ZNF777: variants seen among roughly 807,000 people sequenced by gnomAD.
ZNF777 encodes the protein zinc finger protein 777.
Under a neutral mutation model 72.1 loss-of-function variants are expected in ZNF777, and 7 were observed. The ratio of observed to expected loss-of-function variants is 0.10; its 90% confidence interval spans 0.06 to 0.18. ZNF777 has a LOEUF of 0.18. ZNF777 is among the 10% of genes least tolerant of loss of function. The probability of loss-of-function intolerance (pLI) is 1.00; values close to 1 mark genes in which losing one functional copy is unlikely to be tolerated. For missense variants in ZNF777, 828 were observed against 1,128.6 expected (o/e 0.73, Z 3.82); for synonymous variants, 545 against 483.5 (o/e 1.13, Z -1.67).
intron 3 of ZNF777, among the ~76,000 whole-genome samples, chr7:149,453,448 G>GAT (rs1279458054): frequency 6.6e-6 from 1 of 152,120 alleles, no homozygotes; most frequent in Non-Finnish European, 1.5e-5. Flanking sequence ...CAGAGAAACA[G>GAT]ATATATATAC....
chr7:149,454,123 G>A lies in ZNF777; in HGVS notation c.961C>T (p.Leu321=). ...GGCTTCTCCTTACCCATGGAAACCA[G>A]GGACTCGTAGTTGCCCCTCATCACG... ...KNVMRGNYES[L]VSMDYAISKP... is the part of the protein sequence containing the mutation. The change falls in exon 3 of 6, where the codon CTG becomes TTG. Residue 321 remains leucine (L), a synonymous_variant. Transcript: ENST00000247930. The A allele has an allele frequency of 6.2e-7, 1 of 1,614,230 alleles. No homozygotes were observed. The highest frequency in any genetic ancestry group is 8.5e-7 in the Non-Finnish European group (1 of 1,180,040).
At chr7:149,446,199 T>G (rs1400143473) in intron 4 of ZNF777, among the ~76,000 whole-genome samples, 1 of 152,044 alleles carries the variant, frequency 6.6e-6, no homozygotes, top group African/African-American at 2.4e-5. Flanking sequence ...CCAACATGGA[T>G]AAACCCCATC....
rs145601568 is a variant in ZNF777 at position 149,453,535 on chromosome 7, A to C, written c.973+576T>G. On this transcript the variant is annotated intron_variant, in intron 3 of 5. Transcript: ENST00000247930. ...TTAAATATTCTTAATTAAAATCACA[A>C]GAATCTACAGACTTCGGGGTAAGGC... is the stretch of plus-strand genomic sequence containing the variant. Among the ~76,000 whole-genome samples, 240 of 152,352 alleles carry C rather than the reference A, an allele frequency of 1.6e-3. 2 individuals carry two copies. Among genetic ancestry groups the C allele is most frequent in the Middle Eastern group, 6.8e-3 (2 of 294 alleles).
chr7:149,432,954 A>T, intron 5 of ZNF777, 22 bp from the exon 6 acceptor site: 1 of 1,453,900 alleles, frequency 6.9e-7, no homozygotes, highest in South Asian at 1.5e-5. Flanking sequence ...ACAGAGAGAG[A>T]AAGTCGTTAG....
chr7:149,442,707 G>A (rs912114932), intron 4 of ZNF777, among the ~76,000 whole-genome samples: 7 of 150,826 alleles, frequency 4.6e-5, no homozygotes, highest in African/African-American at 1.7e-4. Context: ...TATTTTAAAA[G>A]CTTTTTACAA....
chr7:149,441,150 A>G (rs1799507175), intron 4 of ZNF777, among the ~76,000 whole-genome samples: 1 of 152,256 alleles, frequency 6.6e-6, no homozygotes, highest in African/African-American at 2.4e-5. Flanking sequence ...AACTTTTCAA[A>G]GAGTATTGAC....
rs1229616628 is a variant in ZNF777 at position 149,454,130 on chromosome 7, G to A, written c.954C>T (p.Tyr318=). 3 of 1,614,068 alleles carry A rather than the reference G, an allele frequency of 1.9e-6. No homozygotes were observed. The highest frequency in any genetic ancestry group is 1.3e-5 in the African/African-American group (1 of 74,932). The stretch of plus-strand genomic sequence containing the variant: ...CCTTACCCATGGAAACCAGGGACTC[G>A]TAGTTGCCCCTCATCACGTTCTTGT... ...ELYKNVMRGN[Y]ESLVSMDYAI... The change falls in exon 3 of 6, where the codon TAC becomes TAT. Residue 318 remains tyrosine (Y), a synonymous_variant. Coordinates refer to ENST00000247930, the MANE Select transcript of ZNF777 (RefSeq NM_015694.3).
At position 149,460,561 on chromosome 7, in the gene ZNF777, C is replaced by T. The variant is rs1799930208; in HGVS notation, c.-16+254G>A. Among the ~76,000 whole-genome samples the T allele has an allele frequency of 6.6e-6, 1 of 151,884 alleles. No homozygotes were observed. The highest frequency in any genetic ancestry group is 1.5e-5 in the Non-Finnish European group (1 of 67,952). On this transcript the variant is annotated intron_variant, in intron 1 of 5. Coordinates refer to ENST00000247930, the MANE Select transcript of ZNF777 (RefSeq NM_015694.3). This position sits in a 1 kb window ranked among gnomAD's most constrained non-coding sequence, Gnocchi z 6.1. ...CGGCGCCTCTTTAGCAGGGGAGCTG[C>T]ACAGCAGCTGCCATGTTGCTACAAA...
At position 149,432,836 on chromosome 7, in the gene ZNF777, G is replaced by A; in HGVS notation, c.1436C>T (p.Ser479Phe). Reference sequence around the variant, plus strand: ...GTACATACTGGCCTCATATCTCCCGGACAGCTGCCCAAGGGATTGCAAGTG... The same window carrying A: ...GTACATACTGGCCTCATATCTCCCGAACAGCTGCCCAAGGGATTGCAAGTG... Reference protein sequence around the residue: ...PQHLQSLGQLSGRYEASMYQT... With the variant: ...PQHLQSLGQLFGRYEASMYQT... Residue 479 changes from serine to phenylalanine, a missense_variant, in exon 6 of 6, where the codon TCC becomes TTC. Transcript: ENST00000247930. 1.3e-6 allele frequency: 2 copies of A among 1,593,690 alleles called. No individual in the cohort carries two copies. The highest frequency in any genetic ancestry group is 1.7e-6 in the Non-Finnish European group (2 of 1,167,692).
At chr7:149,439,797 T>G (rs543115500) in intron 4 of ZNF777, among the ~76,000 whole-genome samples, 1 of 152,210 alleles carries the variant, frequency 6.6e-6, no homozygotes, top group Non-Finnish European at 1.5e-5. Context: ...GCTTAAGTTA[T>G]CCTTAGTGAT....
At chr7:149,452,773 C>T (rs569346419) in intron 3 of ZNF777, among the ~76,000 whole-genome samples, 5 of 152,104 alleles carry the variant, frequency 3.3e-5, no homozygotes, top group Non-Finnish European at 5.9e-5. Flanking sequence ...GCAGAAATAT[C>T]AACTGGCTCA....
chr7:149,435,569 A>G (rs1799396246), intron 5 of ZNF777, among the ~76,000 whole-genome samples: 1 of 152,196 alleles, frequency 6.6e-6, no homozygotes, highest in Admixed American at 6.5e-5. Context: ...TTATCTACAG[A>G]TAATTTTTAA....
chr7:149,441,847 C>T (rs1799521753), intron 4 of ZNF777, among the ~76,000 whole-genome samples: 1 of 151,924 alleles, frequency 6.6e-6, no homozygotes, highest in Non-Finnish European at 1.5e-5. Context: ...TTTTGTGTTT[C>T]AAATATTTTT....
At position 149,432,889 on chromosome 7, in the gene ZNF777, T is replaced by G. The variant is rs539466203; in HGVS notation, c.1383A>C (p.Glu461Asp). ...IKTEEQDEEE[E>D]EEEEDELPQH... ...GCGGCAGCTCATCCTCCTCCTCCTC[T>G]TCTTCCTCCTCGTCTTGTTCCTCTG... Residue 461 changes from glutamate (E) to aspartate (D), a missense_variant, in exon 6 of 6, where the codon GAA becomes GAC. Glu to Asp is a conservative substitution (Grantham distance 45). Around this residue, in one of 12 missense-constraint regions of ZNF777, gnomAD observed 219 missense variants for 223.0 expected, o/e 0.98. Transcript: ENST00000247930. The G allele has an allele frequency of 7.1e-5, 109 of 1,534,988 alleles. 1 individual carries two copies. The South Asian group carries it at 1.2e-3, about 17-fold the overall frequency.
Position 149,432,832 on chromosome 7 carries a change from C to T in ZNF777, c.1440G>A (p.Gly480=), listed in dbSNP as rs754824361. 9 of 1,595,028 alleles carry T rather than the reference C, an allele frequency of 5.6e-6. No individual in the cohort carries two copies. The Admixed American group carries it at 1.5e-4, about 27-fold the overall frequency. ...TCTGGTACATACTGGCCTCATATCT[C>T]CCGGACAGCTGCCCAAGGGATTGCA... ...QHLQSLGQLS[G]RYEASMYQTP... The change falls in exon 6 of 6, where the codon GGG becomes GGA. Residue 480 remains glycine, a synonymous_variant. Transcript: ENST00000247930.
At chr7:149,439,816 T>C (rs1190809305) in intron 4 of ZNF777, among the ~76,000 whole-genome samples, 1 of 152,234 alleles carries the variant, frequency 6.6e-6, no homozygotes, top group African/African-American at 2.4e-5. Flanking sequence ...ATTATCACTA[T>C]AGAATGATAA....
intron 4 of ZNF777, among the ~76,000 whole-genome samples, chr7:149,449,344 T>C (rs1799673548): frequency 6.6e-6 from 1 of 152,342 alleles, no homozygotes; most frequent in South Asian, 2.1e-4. Flanking sequence ...TGGATGTGCA[T>C]GTGTCAGAAC....
At chr7:149,459,470 C>T (rs866209038) in intron 1 of ZNF777, among the ~76,000 whole-genome samples, 4 of 152,320 alleles carry the variant, frequency 2.6e-5, no homozygotes, top group Non-Finnish European at 4.4e-5. Flanking sequence ...CCTGCTCCCA[C>T]CGCGGAGATG....
chr7:149,445,118 T>A (rs570759219), intron 4 of ZNF777, among the ~76,000 whole-genome samples: 31 of 152,280 alleles, frequency 2.0e-4, no homozygotes, highest in African/African-American at 7.5e-4. Flanking sequence ...TGTGTGCTTA[T>A]CCTCCAACAC....
Sources: gnomAD v4.1 joint callset for allele counts (sites outside exome capture counted in the v4.1 genomes callset) on GRCh38, gnomAD v4.1.1 for gene constraint, gnomAD v4.1.1 regional missense constraint, Gnocchi (gnomAD v3.1) non-coding constraint, MANE v1.5 for transcripts, NCBI Gene and HGNC (gene_info 2026-07-23, HGNC 2026-07-21) for gene names.